KANSL1L: variants seen among roughly 807,000 people sequenced by gnomAD.
KANSL1L encodes KAT8 regulatory NSL complex subunit 1 like.
Under a neutral mutation model 108.6 loss-of-function variants are expected in KANSL1L, and 25 were observed. That is an observed-to-expected ratio of 0.23 (90% confidence interval 0.17 to 0.32). The LOEUF (loss-of-function observed/expected upper bound fraction) is 0.32, where lower values mean the gene tolerates loss of function less well. Ranked by LOEUF, KANSL1L falls within the 10% of genes least tolerant of loss-of-function variation. KANSL1L has a pLI of 1.00. For missense variants in KANSL1L, 1,137 were observed against 1,125.7 expected (o/e 1.01, Z -0.14); for synonymous variants, 405 against 395.1 (o/e 1.03, Z -0.30).
chr2:210,091,290 T>C (rs1324092317), intron 5 of KANSL1L, among the ~76,000 whole-genome samples: 1 of 152,218 alleles, frequency 6.6e-6, no homozygotes, highest in African/African-American at 2.4e-5. Flanking sequence ...ATTTAAGTAT[T>C]TTTTCAGAAC....
rs1398497415 is a variant in KANSL1L at position 210,022,227 on chromosome 2, T to G, written c.*722A>C. On this transcript the variant is annotated 3_prime_UTR_variant, in exon 15 of 15. Coordinates refer to ENST00000281772, the MANE Select transcript of KANSL1L (RefSeq NM_152519.4). Reference sequence around the variant, plus strand: ...CTGTGTTTAGTCCCAAAGATAGCAGTGATTTTGAATAAAGGAGTTTTGTGT... The same window carrying G: ...CTGTGTTTAGTCCCAAAGATAGCAGGGATTTTGAATAAAGGAGTTTTGTGT... 6.6e-6 allele frequency: 1 copy of G among 152,034 alleles called. No individual in the cohort carries two copies. Among genetic ancestry groups the G allele is most frequent in the Admixed American group, 6.6e-5 (1 of 15,250 alleles). 9.4% of individuals were successfully genotyped at this position (152,034 alleles called of 1,614,324 possible). A position where few individuals can be genotyped will look rare whatever the true frequency, so the allele number is the denominator to read the frequency against.
chr2:210,068,815 G>A (rs565983240), intron 6 of KANSL1L, among the ~76,000 whole-genome samples: 14 of 152,276 alleles, frequency 9.2e-5, no homozygotes, highest in Middle Eastern at 3.4e-3. Flanking sequence ...ATTAAGACAG[G>A]AGTGTTCTCT....
At chr2:210,140,400 G>T (rs1365636992) in intron 2 of KANSL1L, among the ~76,000 whole-genome samples, 1 of 152,168 alleles carries the variant, frequency 6.6e-6, no homozygotes. Context: ...TCCCAACACT[G>T]TTGAAAAGAC....
At chr2:210,110,918 C>T (rs1486205503) in intron 3 of KANSL1L, among the ~76,000 whole-genome samples, 2 of 152,030 alleles carry the variant, frequency 1.3e-5, no homozygotes, top group Non-Finnish European at 2.9e-5. Flanking sequence ...TTGAGACCAG[C>T]CTGGGCAACA....
rs1481215610 is a variant in KANSL1L at position 210,129,701 on chromosome 2, T to TA, written c.1089-530dup. Among the ~76,000 whole-genome samples, 3 of 152,214 alleles carry TA rather than the reference T, an allele frequency of 2.0e-5. No homozygotes were observed. The South Asian group carries it at 6.2e-4, about 32-fold the overall frequency. On this transcript the variant is annotated intron_variant, in intron 2 of 14. Coordinates refer to ENST00000281772, the MANE Select transcript of KANSL1L (RefSeq NM_152519.4). ...ATTTTTTAAAAGCTATCAAAAATTA[T>TA]AAAAAATATAAATGCTCTGCTACAT...
chr2:210,103,483 A>AGTCC (rs1313312265), intron 4 of KANSL1L, among the ~76,000 whole-genome samples: 1 of 152,174 alleles, frequency 6.6e-6, no homozygotes, highest in Non-Finnish European at 1.5e-5. Flanking sequence ...AATAAAAAAA[A>AGTCC]GTCCTAGAAA....
intron 6 of KANSL1L, among the ~76,000 whole-genome samples, chr2:210,050,693 GAAAAAAAAAAA>G (rs1169870752): frequency 1.9e-5 from 1 of 53,454 alleles, no homozygotes; most frequent in South Asian, 6.2e-4. Flanking sequence ...CATCTCTACA[GAAAAAAAAAAA>G]AAAAAAAAAA....
intron 6 of KANSL1L, among the ~76,000 whole-genome samples, chr2:210,066,927 T>C (rs1284333917): frequency 6.6e-6 from 1 of 152,214 alleles, no homozygotes; most frequent in Non-Finnish European, 1.5e-5. Flanking sequence ...GGTGTGTCTG[T>C]GAGGGTGTTT....
intron 1 of KANSL1L, among the ~76,000 whole-genome samples, chr2:210,167,142 C>T (rs1344075855): frequency 6.6e-6 from 1 of 151,830 alleles, no homozygotes; most frequent in Admixed American, 6.6e-5. Flanking sequence ...CAGTTTTATT[C>T]CTCAAAAATA....
At chr2:210,133,240 G>T (rs1423112314) in intron 2 of KANSL1L, among the ~76,000 whole-genome samples, 1 of 151,968 alleles carries the variant, frequency 6.6e-6, no homozygotes, top group Non-Finnish European at 1.5e-5. Flanking sequence ...TTAATTTCTA[G>T]ATTGCTTATA....
rs757283307 is a variant in KANSL1L at position 210,022,969 on chromosome 2, TAGTA to T, written c.2940_2943del (p.Thr981MetfsTer16). The T allele has an allele frequency of 6.1e-5, 98 of 1,612,868 alleles. No homozygotes were observed. The highest frequency in any genetic ancestry group is 7.8e-5 in the Non-Finnish European group (92 of 1,179,006). ...CCCTGTCACCTATTTTTTTTAACAT[TAGTA>T]AGTCCTAGACCAAAGGTTTTGTATT... is the stretch of plus-strand genomic sequence containing the variant. On this transcript the variant is annotated frameshift_variant, in exon 15 of 15. Transcript: ENST00000281772. LOFTEE classifies it high-confidence loss of function.
At chr2:210,051,595 C>T (rs1299342495) in intron 6 of KANSL1L, among the ~76,000 whole-genome samples, 1 of 151,764 alleles carries the variant, frequency 6.6e-6, no homozygotes, top group African/African-American at 2.4e-5. Context: ...TTTATTTCAC[C>T]CTTACAATCA....
At chr2:210,054,321 C>CA (rs138535904) in intron 6 of KANSL1L, among the ~76,000 whole-genome samples, 15 of 122,844 alleles carry the variant, frequency 1.2e-4, no homozygotes, top group African/African-American at 4.6e-4. Flanking sequence ...GACTCCATCT[C>CA]AAAAAAAAAA....
chr2:210,033,986 T>C (rs2041688), intron 8 of KANSL1L, among the ~76,000 whole-genome samples: 58,623 of 151,978 alleles, frequency 0.39, 12,898 homozygotes, highest in Middle Eastern at 0.56. Context: ...ACCTGTTCTA[T>C]TGATAAACCT....
chr2:210,136,776 C>G (rs144810368), intron 2 of KANSL1L, among the ~76,000 whole-genome samples: 13 of 152,002 alleles, frequency 8.6e-5, no homozygotes, highest in African/African-American at 3.1e-4. Flanking sequence ...TATAATGGGC[C>G]CTGAAAAGAA....
At position 210,028,845 on chromosome 2, in the gene KANSL1L, C is replaced by T. The variant is rs2093975285; in HGVS notation, c.2396G>A (p.Ser799Asn). ...AATATGAAGATGTAAGTATACATAC[C>T]TTGGAGTAAGTATTTCCTTATATTG... ...KLQYKEILTP[S>N]WRMVVLQPLD... Residue 799 changes from serine (S) to asparagine (N), a missense_variant and splice_region_variant, in exon 11 of 15, where the codon AGC (serine) becomes AAC (asparagine). Transcript: ENST00000281772. The T allele has an allele frequency of 6.4e-7, 1 of 1,573,542 alleles. No individual in the cohort carries two copies. The highest frequency in any genetic ancestry group is 1.8e-5 in the Admixed American group (1 of 56,626).
chr2:210,093,562 T>C (rs2094710644), intron 5 of KANSL1L, among the ~76,000 whole-genome samples: 1 of 152,200 alleles, frequency 6.6e-6, no homozygotes, highest in Non-Finnish European at 1.5e-5. Context: ...AATTTAATTT[T>C]GTCTAAATTT....
chr2:210,025,158 T>C lies in KANSL1L; in HGVS notation c.2510A>G (p.Glu837Gly), dbSNP rs1255837480. 1.9e-6 allele frequency: 3 copies of C among 1,613,398 alleles called. No homozygotes were observed. Among genetic ancestry groups the C allele is most frequent in the Non-Finnish European group, 2.5e-6 (3 of 1,179,330 alleles). ...CTCCCATAGTGACCACCTGGCTTGC[T>C]CTCTCTCTTCATATTTTTTGTGCCT... ...SLRHKKYEER[E>G]QARWSLWEQS... The change falls in exon 13 of 15, where the codon GAG becomes GGG. Residue 837 changes from glutamate to glycine, a missense_variant. By Grantham distance (98) the Glu-to-Gly change is moderately conservative. This residue lies in a region of KANSL1L where 575 missense variants were observed against 567.1 expected (regional missense o/e 1.01). Coordinates refer to ENST00000281772, the MANE Select transcript of KANSL1L (RefSeq NM_152519.4).
intron 6 of KANSL1L, among the ~76,000 whole-genome samples, chr2:210,067,714 T>A (rs1575464635): frequency 7.9e-5 from 1 of 12,672 alleles, no homozygotes; most frequent in African/African-American, 3.5e-4. Flanking sequence ...AGACCCTGTC[T>A]CCAAAAAAAA....
Sources: allele counts gnomAD v4.1 joint callset (sites outside exome capture counted in the v4.1 genomes callset), GRCh38; gene constraint gnomAD v4.1.1; regional missense constraint gnomAD v4.1.1; transcripts MANE v1.5; gene names NCBI Gene and HGNC (gene_info 2026-07-23, HGNC 2026-07-21).